GABRG1: variants seen among roughly 807,000 people sequenced by gnomAD.
The protein encoded by GABRG1 is gamma-aminobutyric acid receptor subunit gamma-1.
Under a neutral mutation model 49.8 loss-of-function variants are expected in GABRG1, and 49 were observed. The observed-to-expected ratio is 0.98, with a 90% confidence interval of 0.78 to 1.25. GABRG1 has a LOEUF of 1.25. Ranked by LOEUF, GABRG1 falls within the 50% of genes most tolerant of loss-of-function variation. The pLI is 0.00. For synonymous variants in GABRG1, 232 were observed against 185.1 expected, an observed-to-expected ratio of 1.25 and a Z score of -2.06; for missense variants, 552 against 552.3, an observed-to-expected ratio of 1.00 and a Z score of 0.01.
At chr4:46,104,977 T>G (rs1355442265) in intron 1 of GABRG1, among the ~76,000 whole-genome samples, 1 of 151,434 alleles carries the variant, frequency 6.6e-6, no homozygotes, top group East Asian at 2.0e-4. Context: ...GAATATATAT[T>G]AAACATTACT....
intron 1 of GABRG1, among the ~76,000 whole-genome samples, chr4:46,106,388 T>TTGGTTTGTC (rs1720547355): frequency 6.6e-6 from 1 of 151,438 alleles, no homozygotes; most frequent in Non-Finnish European, 1.5e-5. Flanking sequence ...ATTGGTTTGT[T>TTGGTTTGTC]TGGTTTGTCT....
chr4:46,058,674 A>G lies in GABRG1; in HGVS notation c.626-52T>C, dbSNP rs370466584. On this transcript the variant is annotated intron_variant, in intron 5 of 8. Coordinates refer to ENST00000295452, the MANE Select transcript of GABRG1 (RefSeq NM_173536.4). ...CAAGATCCAAATTTGATACCATTGC[A>G]ATGCCAACATTATCCAAAGGTAGAT... The G allele has an allele frequency of 1.2e-4, 164 of 1,398,980 alleles. No individual in the cohort carries two copies. The African/African-American group carries it at 2.1e-3, about 18-fold the overall frequency. 86.7% of individuals were successfully genotyped at this position (1,398,980 alleles called of 1,614,324 possible). A position where few individuals can be genotyped will look rare whatever the true frequency, so the allele number is the denominator to read the frequency against.
At chr4:46,097,984 G>A (rs1423733781) in intron 1 of GABRG1, among the ~76,000 whole-genome samples, 4 of 151,604 alleles carry the variant, frequency 2.6e-5, no homozygotes, top group Non-Finnish European at 4.4e-5. Flanking sequence ...ATATATTTGG[G>A]AGGAGGCATA....
intron 8 of GABRG1, among the ~76,000 whole-genome samples, chr4:46,045,334 C>A (rs1036754884): frequency 6.6e-6 from 1 of 151,924 alleles, no homozygotes; most frequent in Admixed American, 6.6e-5. Flanking sequence ...CTTGAAAAAA[C>A]TGCTCATAGT....
At chr4:46,044,149 A>T (rs1055130572) in intron 8 of GABRG1, among the ~76,000 whole-genome samples, 2 of 152,052 alleles carry the variant, frequency 1.3e-5, no homozygotes, top group East Asian at 3.9e-4. Flanking sequence ...ATGTTCAAAA[A>T]TTGTAGATTA....
At chr4:46,063,216 T>C (rs1718772988) in intron 5 of GABRG1, among the ~76,000 whole-genome samples, 1 of 151,956 alleles carries the variant, frequency 6.6e-6, no homozygotes, top group African/African-American at 2.4e-5. Context: ...GCCAAGTCAA[T>C]CCTAAGCCAA....
At chr4:46,119,810 A>T (rs190049215) in intron 1 of GABRG1, among the ~76,000 whole-genome samples, 6,081 of 151,648 alleles carry the variant, frequency 0.04, 220 homozygotes, top group African/African-American at 0.091. Flanking sequence ...GCCATGAATA[A>T]GCATAAGCTG....
At position 46,042,477 on chromosome 4, in the gene GABRG1, C is replaced by T. The variant is rs552502860; in HGVS notation, c.1132-1223G>A. Among the ~76,000 whole-genome samples, 436 of 152,042 alleles carry T rather than the reference C, an allele frequency of 2.9e-3. 3 individuals are homozygous for T. The highest frequency in any genetic ancestry group is 1.0e-2 in the African/African-American group (414 of 41,556). ...CAACTTATTGTATTCAGCAATTTCA[C>T]TCTCTAAACATTAAATATAGCGCCA... On this transcript the variant is annotated intron_variant, in intron 8 of 8. Coordinates refer to ENST00000295452, the MANE Select transcript of GABRG1 (RefSeq NM_173536.4).
chr4:46,091,278 T>G (rs1420662884), intron 2 of GABRG1, among the ~76,000 whole-genome samples: 1 of 152,050 alleles, frequency 6.6e-6, no homozygotes, highest in East Asian at 1.9e-4. Context: ...ACAGTGATTT[T>G]CTTTACTCAA....
intron 1 of GABRG1, among the ~76,000 whole-genome samples, chr4:46,098,671 G>A (rs1299463039): frequency 6.6e-6 from 1 of 151,692 alleles, no homozygotes; most frequent in Admixed American, 6.6e-5. Flanking sequence ...CTGGTCTTGA[G>A]AGAAATATTA....
At chr4:46,042,765 A>G (rs1188295587) in intron 8 of GABRG1, among the ~76,000 whole-genome samples, 1 of 152,024 alleles carries the variant, frequency 6.6e-6, no homozygotes, top group African/African-American at 2.4e-5. Flanking sequence ...ATTCACATTT[A>G]GTGATATTTT....
Position 46,041,263 on chromosome 4 carries a change from A to G in GABRG1, c.1132-9T>C. On this transcript the variant is annotated splice_polypyrimidine_tract_variant and intron_variant, in intron 8 of 8. Transcript: ENST00000295452. Reference sequence around the variant, plus strand: ...TGGAGACCAGGAGTCATCTGAGCACAATAATAAATGAATTTTTGACATCAA... The same window carrying G: ...TGGAGACCAGGAGTCATCTGAGCACGATAATAAATGAATTTTTGACATCAA... The G allele has an allele frequency of 6.2e-7, 1 of 1,606,238 alleles. No homozygotes were observed. Among genetic ancestry groups the G allele is most frequent in the Non-Finnish European group, 8.5e-7 (1 of 1,175,572 alleles).
In GABRG1 at chr4:46,102,161, T is replaced by C. The variant is rs1398248887; in HGVS notation, c.105-4812A>G. ...GAGTATTTTAGAGAGAGGTAGAATA[T>C]CATACTCTCTTAAGAAAATTATTGT... is the stretch of plus-strand genomic sequence containing the variant. On this transcript the variant is annotated intron_variant, in intron 1 of 8. Transcript: ENST00000295452. 2.6e-5 allele frequency among the ~76,000 whole-genome samples: 4 copies of C among 151,602 alleles called. No individual in the cohort carries two copies. The East Asian group carries it at 7.8e-4, about 30-fold the overall frequency.
intron 4 of GABRG1, among the ~76,000 whole-genome samples, chr4:46,064,973 C>T (rs1026930332): frequency 1.3e-5 from 2 of 152,122 alleles, no homozygotes; most frequent in South Asian, 2.1e-4. Flanking sequence ...TATACATCAA[C>T]CTTCATTTAA....
chr4:46,118,722 A>G (rs548902099), intron 1 of GABRG1, among the ~76,000 whole-genome samples: 64 of 151,320 alleles, frequency 4.2e-4, no homozygotes, highest in African/African-American at 1.4e-3. Context: ...TGAATGAATT[A>G]ATAGCTAAGG....
rs1481397964 is a variant in GABRG1 at position 46,036,847 on chromosome 4, G to GT, written c.*4140dup. On this transcript the variant is annotated 3_prime_UTR_variant, in exon 9 of 9. Transcript: ENST00000295452. ...ATCTCTGTGAACTTTTTATGACTTCGTAATTTCCCCTAGCCTCCTGAAGTC... is the reference window on the plus strand; with the variant it reads ...ATCTCTGTGAACTTTTTATGACTTCGTTAATTTCCCCTAGCCTCCTGAAGTC... The GT allele has an allele frequency of 1.3e-5, 2 of 151,828 alleles. No homozygotes were observed. Among genetic ancestry groups the GT allele is most frequent in the African/African-American group, 4.8e-5 (2 of 41,392 alleles). The allele number at this position is 151,828 out of a possible 1,614,324, so 9.4% of individuals were successfully genotyped here. A position where few individuals can be genotyped will look rare whatever the true frequency, so the allele number is the denominator to read the frequency against.
At chr4:46,091,995 G>A (rs1720006926) in intron 2 of GABRG1, among the ~76,000 whole-genome samples, 1 of 151,970 alleles carries the variant, frequency 6.6e-6, no homozygotes, top group African/African-American at 2.4e-5. Flanking sequence ...AACAGAAATA[G>A]TAAAAGTCAG....
chr4:46,121,179 A>G (rs1247116518), intron 1 of GABRG1, among the ~76,000 whole-genome samples: 1 of 151,952 alleles, frequency 6.6e-6, no homozygotes, highest in Non-Finnish European at 1.5e-5. Context: ...AATGCTTCCA[A>G]TTTGGGAAGT....
intron 3 of GABRG1, among the ~76,000 whole-genome samples, chr4:46,073,786 GACA>G (rs1191829571): frequency 2.0e-5 from 3 of 152,046 alleles, no homozygotes; most frequent in Non-Finnish European, 4.4e-5. Flanking sequence ...ATAAGAGACT[GACA>G]ACAATGAATG....
Sources: allele counts gnomAD v4.1 joint callset (sites outside exome capture counted in the v4.1 genomes callset), GRCh38; gene constraint gnomAD v4.1.1; transcripts MANE v1.5; gene names NCBI Gene and HGNC (gene_info 2026-07-23, HGNC 2026-07-21).